The following ARHGAP26 variants were observed in gnomAD, a reference collection of about 807,000 sequenced individuals.
ARHGAP26 encodes the protein Rho GTPase activating protein 26.
Under a neutral mutation model 104.8 loss-of-function variants are expected in ARHGAP26, and 38 were observed. That is an observed-to-expected ratio of 0.36 (90% confidence interval 0.28 to 0.48). The LOEUF is 0.48. Among genes scored for constraint, ARHGAP26 ranks in the 20% least tolerant of loss-of-function variants. ARHGAP26 has a pLI of 0.99. For missense variants in ARHGAP26, 704 were observed against 947.9 expected, an observed-to-expected ratio of 0.74 and a Z score of 3.38; for synonymous variants, 341 against 340.0, an observed-to-expected ratio of 1.00 and a Z score of -0.03.
At chr5:142,808,629 C>G (rs916885731) in intron 1 of ARHGAP26, among the ~76,000 whole-genome samples, 1 of 152,062 alleles carries the variant, frequency 6.6e-6, no homozygotes, top group Non-Finnish European at 1.5e-5. Context: ...CTTGTTATCA[C>G]TTTGTGGAGC....
chr5:143,189,306 TAAAA>T (rs1805570091), intron 20 of ARHGAP26, among the ~76,000 whole-genome samples: 1 of 152,152 alleles, frequency 6.6e-6, no homozygotes, highest in South Asian at 2.1e-4. Flanking sequence ...TGTTTAACCA[TAAAA>T]AAGATGCACT....
chr5:142,772,047 T>C (rs1209555091), intron 1 of ARHGAP26, among the ~76,000 whole-genome samples: 1 of 152,246 alleles, frequency 6.6e-6, no homozygotes, highest in African/African-American at 2.4e-5. Flanking sequence ...GATTTCTTAG[T>C]AGGTGATACC....
At chr5:143,022,775 T>A (rs1323411953) in intron 12 of ARHGAP26, among the ~76,000 whole-genome samples, 1 of 152,198 alleles carries the variant, frequency 6.6e-6, no homozygotes, top group African/African-American at 2.4e-5. Context: ...GGAGCACAGT[T>A]GAGAAGTAGT....
intron 20 of ARHGAP26, among the ~76,000 whole-genome samples, chr5:143,159,372 A>G (rs906898517): frequency 1.1e-4 from 16 of 152,258 alleles, no homozygotes; most frequent in Admixed American, 3.3e-4. Flanking sequence ...TGGAAACAGC[A>G]GGAATAGCTA....
At chr5:142,901,470 A>G (rs751794321) in intron 6 of ARHGAP26, among the ~76,000 whole-genome samples, 1 of 152,206 alleles carries the variant, frequency 6.6e-6, no homozygotes, top group Non-Finnish European at 1.5e-5. Context: ...AGGACACCCC[A>G]CTTCCTTTTC....
intron 1 of ARHGAP26, among the ~76,000 whole-genome samples, chr5:142,846,083 G>A (rs532694079): frequency 4.6e-5 from 7 of 152,264 alleles, no homozygotes; most frequent in East Asian, 1.9e-4. Context: ...TGAAAGCCAC[G>A]CATTAGTTTC....
chr5:143,051,999 AG>A (rs1024329082), intron 14 of ARHGAP26, among the ~76,000 whole-genome samples: 5 of 152,130 alleles, frequency 3.3e-5, no homozygotes, highest in African/African-American at 1.2e-4. Flanking sequence ...TGCAAAGCAG[AG>A]GTTTTTGATA....
intron 1 of ARHGAP26, among the ~76,000 whole-genome samples, chr5:142,831,078 A>G (rs1038949220): frequency 1.3e-5 from 2 of 152,188 alleles, no homozygotes; most frequent in African/African-American, 4.8e-5. Context: ...TCCGATCACA[A>G]TGCCTGGCAT....
chr5:143,111,234 A>C (rs1434352708), intron 17 of ARHGAP26, among the ~76,000 whole-genome samples: 1 of 152,198 alleles, frequency 6.6e-6, no homozygotes, highest in Non-Finnish European at 1.5e-5. Context: ...TGATCTCCTT[A>C]AGGTTAGGCC....
intron 22 of ARHGAP26, chr5:143,216,126 AG>A: frequency 2.1e-6 from 1 of 471,060 alleles, no homozygotes; most frequent in East Asian, 6.9e-5. Flanking sequence ...TTAAGCATAA[AG>A]GGGGAAAAAG....
intron 20 of ARHGAP26, among the ~76,000 whole-genome samples, chr5:143,189,776 C>T (rs1805655340): frequency 6.6e-6 from 1 of 152,158 alleles, no homozygotes; most frequent in African/African-American, 2.4e-5. Flanking sequence ...CCTCCACCAG[C>T]CTGTGTTCTC....
chr5:142,953,362 C>T (rs745314235), intron 11 of ARHGAP26, among the ~76,000 whole-genome samples: 1 of 152,194 alleles, frequency 6.6e-6, no homozygotes. Flanking sequence ...TTTTCCTTCT[C>T]GTGTACCTTT....
chr5:143,207,569 A>G, intron 21 of ARHGAP26: 2 of 1,443,618 alleles, frequency 1.4e-6, no homozygotes, highest in Middle Eastern at 3.6e-4. Flanking sequence ...TTCCATCCTA[A>G]GAGACCAGAG....
At chr5:143,034,996 AG>A (rs1369367793) in intron 12 of ARHGAP26, among the ~76,000 whole-genome samples, 2 of 152,346 alleles carry the variant, frequency 1.3e-5, no homozygotes, top group East Asian at 3.9e-4. Context: ...TACCATTTTA[AG>A]GGAATAAAAA....
chr5:143,063,315 G>A (rs1317188327), intron 17 of ARHGAP26, among the ~76,000 whole-genome samples: 3 of 152,164 alleles, frequency 2.0e-5, no homozygotes, highest in Non-Finnish European at 2.9e-5. Flanking sequence ...CGCTGCTTGC[G>A]AAGGCCTCCT....
chr5:143,120,841 G>A (rs1048737155), intron 17 of ARHGAP26, 147 bp from the exon 18 acceptor site: 4 of 630,972 alleles, frequency 6.3e-6, no homozygotes, highest in Middle Eastern at 2.9e-4. Flanking sequence ...TAGATTTTCT[G>A]ACTCCTGTGG....
chr5:142,805,001 T>C (rs768675457), intron 1 of ARHGAP26, among the ~76,000 whole-genome samples: 12 of 152,210 alleles, frequency 7.9e-5, no homozygotes, highest in Non-Finnish European at 1.6e-4. Flanking sequence ...GGTCCATTCA[T>C]GTTGAAGCAT....
chr5:143,015,113 G>C (rs1246959589), intron 12 of ARHGAP26, among the ~76,000 whole-genome samples: 5 of 151,706 alleles, frequency 3.3e-5, no homozygotes, highest in Non-Finnish European at 7.4e-5. Flanking sequence ...GGTAGGTTGA[G>C]AGGCCTTTAT....
intron 17 of ARHGAP26, among the ~76,000 whole-genome samples, chr5:143,089,801 C>A (rs1244384540): frequency 6.6e-6 from 1 of 152,180 alleles, no homozygotes; most frequent in Non-Finnish European, 1.5e-5. Context: ...CCCCATGGGA[C>A]TCTAATTGTG....
Sources: gnomAD v4.1 joint callset for allele counts (sites outside exome capture counted in the v4.1 genomes callset) on GRCh38, gnomAD v4.1.1 for gene constraint, MANE v1.5 for transcripts, NCBI Gene and HGNC (gene_info 2026-07-23, HGNC 2026-07-21) for gene names.